The following ARID3A variants were observed in gnomAD, a reference collection of about 807,000 sequenced individuals.
ARID3A encodes AT-rich interactive domain-containing protein 3A.
Under a neutral mutation model 52.7 loss-of-function variants are expected in ARID3A, and 11 were observed. That is an observed-to-expected ratio of 0.21 (90% CI 0.13 to 0.35). The LOEUF (loss-of-function observed/expected upper bound fraction) is 0.35, where lower values mean the gene tolerates loss of function less well. Ranked by LOEUF, ARID3A falls within the 10% of genes least tolerant of loss-of-function variation. The probability of loss-of-function intolerance (pLI) is 1.00; values close to 1 mark genes in which losing one functional copy is unlikely to be tolerated. For synonymous variants in ARID3A, 404 were observed against 359.4 expected (o/e 1.12, Z -1.40); for missense variants, 721 against 838.5 (o/e 0.86, Z 1.73).
intron 3 of ARID3A, among the ~76,000 whole-genome samples, chr19:954,963 G>A (rs1241684606): frequency 6.6e-6 from 1 of 151,874 alleles, no homozygotes; most frequent in Non-Finnish European, 1.5e-5. Flanking sequence ...CTCAGCCCCT[G>A]GGGAGGGAGT....
At position 959,832 on chromosome 19, in the gene ARID3A, C is replaced by G. The variant is rs1437028000; in HGVS notation, c.694-260C>G. 2.0e-5 allele frequency among the ~76,000 whole-genome samples: 3 copies of G among 152,142 alleles called. No individual in the cohort carries two copies. The East Asian group carries it at 5.8e-4, about 29-fold the overall frequency. On this transcript the variant is annotated intron_variant, in intron 3 of 8. Coordinates refer to ENST00000263620, the MANE Select transcript of ARID3A (RefSeq NM_005224.3). This position sits in a 1 kb window ranked among gnomAD's most constrained non-coding sequence, Gnocchi z 5.0. The stretch of plus-strand genomic sequence containing the variant: ...CCCGGGCCCCTGGACCGGGAGAGGA[C>G]ACTGTCTTGTCCCAGGCCACCTGGT...
rs2037273387 is a variant in ARID3A at position 929,588 on chromosome 19, G to C, written c.60G>C (p.Glu20Asp). The change falls in exon 2 of 9, where the codon GAG becomes GAC. Residue 20 changes from glutamate to aspartate, a missense_variant. Physicochemically the swap from Glu to Asp is conservative, Grantham distance 45. Coordinates refer to ENST00000263620, the MANE Select transcript of ARID3A (RefSeq NM_005224.3). The surrounding 1 kb of genome is among the most constrained non-coding windows in gnomAD (Gnocchi z 6.2). ...AGCGGCAGCAGCGGGCGCGCCAGGAGCTGGAGGCCCGGCAGCAGCTGCCCC... is the reference window on the plus strand; with the variant it reads ...AGCGGCAGCAGCGGGCGCGCCAGGACCTGGAGGCCCGGCAGCAGCTGCCCC... ...LLQRQQRARQ[E>D]LEARQQLPPD... The C allele has an allele frequency of 6.6e-6, 10 of 1,524,452 alleles. No homozygotes were observed. The South Asian group carries it at 9.6e-5, about 15-fold the overall frequency. The allele number at this position is 1,524,452 out of a possible 1,614,324, so 94.4% of individuals were successfully genotyped here.
In ARID3A at chr19:973,104, A is replaced by ATTTTTTCTTTTTTTTTTTTTTTTT. The variant is rs2038314992; in HGVS notation, c.*1045_*1046insCTTTTTTTTTTTTTTTTTTTTTTT. ...GGGCTCTCGAGTCAGGGGCCTGGAAATTTTTTTTTTTTTTTTTTTTTGAGA... is the reference window on the plus strand; with the variant it reads ...GGGCTCTCGAGTCAGGGGCCTGGAAATTTTTTCTTTTTTTTTTTTTTTTTTTTTTTTTTTTTTTTTTTTTTGAGA... On this transcript the variant is annotated 3_prime_UTR_variant, in exon 9 of 9. Transcript: ENST00000263620. The ATTTTTTCTTTTTTTTTTTTTTTTT allele has an allele frequency of 1.9e-5, 1 of 53,488 alleles. No homozygotes were observed. The highest frequency in any genetic ancestry group is 3.4e-5 in the Non-Finnish European group (1 of 29,006). The allele number at this position is 53,488 out of a possible 1,614,324, so 3.3% of individuals were successfully genotyped here.
At position 965,030 on chromosome 19, in the gene ARID3A, C is replaced by G. The variant is rs1262697969; in HGVS notation, c.1148C>G (p.Ala383Gly). 1 of 1,612,958 alleles carries G rather than the reference C, an allele frequency of 6.2e-7. No individual in the cohort carries two copies. Among genetic ancestry groups the G allele is most frequent in the African/African-American group, 1.3e-5 (1 of 74,894 alleles). Reference sequence around the variant, plus strand: ...CTACCCGTGTCCTCCCTGGGCCTGGCCGCAAGCACCAATGGCAGCTCCATC... The same window carrying G: ...CTACCCGTGTCCTCCCTGGGCCTGGGCGCAAGCACCAATGGCAGCTCCATC... ...PKLPVSSLGLAASTNGSSITP... is the reference protein window; with the variant it reads ...PKLPVSSLGLGASTNGSSITP... Residue 383 changes from alanine (A) to glycine (G), a missense_variant, in exon 6 of 9, where the codon GCC becomes GGC. By Grantham distance (60) the Ala-to-Gly change is moderately conservative. Transcript: ENST00000263620.
intron 2 of ARID3A, 107 bp downstream of exon 2, chr19:930,003 C>T (rs1415136703): frequency 2.1e-6 from 3 of 1,444,996 alleles, no homozygotes; most frequent in Non-Finnish European, 2.8e-6. Flanking sequence ...GGATCTCCTT[C>T]CTGTAATTCC....
chr19:968,143 G>A (rs113897768), intron 7 of ARID3A, among the ~76,000 whole-genome samples: 2,262 of 151,400 alleles, frequency 0.015, 63 homozygotes, highest in African/African-American at 0.052. Context: ...GGTGGATCAC[G>A]AGGTCAAGAG....
chr19:947,783 A>T lies in ARID3A; in HGVS notation c.694-12309A>T, dbSNP rs1056238016. ...GGTGCGGCGCTGTGTATTTCCAGAGAGGGGACTCGGGGCCCATCAGGGCCG... is the reference window on the plus strand; with the variant it reads ...GGTGCGGCGCTGTGTATTTCCAGAGTGGGGACTCGGGGCCCATCAGGGCCG... On this transcript the variant is annotated intron_variant, in intron 3 of 8. Transcript: ENST00000263620. The surrounding 1 kb of genome is among the most constrained non-coding windows in gnomAD (Gnocchi z 6.3). Among the ~76,000 whole-genome samples the T allele has an allele frequency of 5.9e-5, 9 of 152,164 alleles. No homozygotes were observed. Among genetic ancestry groups the T allele is most frequent in the African/African-American group, 1.9e-4 (8 of 41,446 alleles).
chr19:952,759 TG>T (rs558635504), intron 3 of ARID3A, among the ~76,000 whole-genome samples: 3 of 152,024 alleles, frequency 2.0e-5, no homozygotes, highest in Non-Finnish European at 4.4e-5. Flanking sequence ...GGAGGGGGCC[TG>T]GGGGGCAAAG....
chr19:934,684 C>G (rs773661257), intron 3 of ARID3A, among the ~76,000 whole-genome samples: 1 of 151,960 alleles, frequency 6.6e-6, no homozygotes, highest in Non-Finnish European at 1.5e-5. Flanking sequence ...CTGGGTCTTG[C>G]GGGAGACGGG....
In ARID3A at chr19:960,805, G is replaced by T. The variant is rs542156275; in HGVS notation, c.766+641G>T. Among the ~76,000 whole-genome samples the T allele has an allele frequency of 3.3e-5, 5 of 152,286 alleles. No individual in the cohort carries two copies. Among genetic ancestry groups the T allele is most frequent in the Non-Finnish European group, 4.4e-5 (3 of 68,018 alleles). On this transcript the variant is annotated intron_variant, in intron 4 of 8. Coordinates refer to ENST00000263620, the MANE Select transcript of ARID3A (RefSeq NM_005224.3). This position sits in a 1 kb window ranked among gnomAD's most constrained non-coding sequence, Gnocchi z 4.3. ...TGTGCACACTTATTGGGCACCAACG[G>T]TATACCAGGCTCTGTGCCCCCAAAG...
At position 960,679 on chromosome 19, in the gene ARID3A, TCA is replaced by T. The variant is rs1389273237; in HGVS notation, c.766+516_766+517del. ...CCCCTCCCCTCTTCCCACCAGGGCC[TCA>T]GTTTCCCCATCTGTAAAAACGGGCC... is the stretch of plus-strand genomic sequence containing the variant. On this transcript the variant is annotated intron_variant, in intron 4 of 8. Transcript: ENST00000263620. The surrounding 1 kb of genome is among the most constrained non-coding windows in gnomAD (Gnocchi z 4.3). 6.6e-6 allele frequency among the ~76,000 whole-genome samples: 1 copy of T among 151,982 alleles called. No homozygotes were observed. Among genetic ancestry groups the T allele is most frequent in the Non-Finnish European group, 1.5e-5 (1 of 67,976 alleles).
chr19:951,787 A>G (rs1486243375), intron 3 of ARID3A, among the ~76,000 whole-genome samples: 2 of 152,170 alleles, frequency 1.3e-5, no homozygotes, highest in Non-Finnish European at 2.9e-5. Context: ...AGAGGAAAAC[A>G]TACTTCTTCA....
At chr19:970,358 G>A (rs2038250389) in intron 8 of ARID3A, among the ~76,000 whole-genome samples, 2 of 151,996 alleles carry the variant, frequency 1.3e-5, no homozygotes, top group South Asian at 4.2e-4. Context: ...TAAAAAAGTG[G>A]AGTCAGTGCC....
chr19:955,237 G>A (rs1409177048), intron 3 of ARID3A, among the ~76,000 whole-genome samples: 1 of 152,184 alleles, frequency 6.6e-6, no homozygotes, highest in Non-Finnish European at 1.5e-5. Flanking sequence ...CTGGGGCCTC[G>A]GCCAGCTGGC....
At chr19:932,373 G>T (rs763922172) in intron 2 of ARID3A, 45 bp from the exon 3 acceptor site, 3 of 1,570,248 alleles carry the variant, frequency 1.9e-6, no homozygotes, top group South Asian at 2.4e-5. Context: ...GGGCTGGGAC[G>T]AGCCAGCACC....
At position 964,853 on chromosome 19, in the gene ARID3A, C is replaced by A; in HGVS notation, c.971C>A (p.Pro324His). The A allele has an allele frequency of 2.5e-6, 4 of 1,613,958 alleles. No homozygotes were observed. The highest frequency in any genetic ancestry group is 2.5e-6 in the Non-Finnish European group (3 of 1,179,958). The stretch of plus-strand genomic sequence containing the variant: ...CACAGATACATGAAGTACCTGTACC[C>A]CTACGAGTGTGAGAAGCGGGGCCTC... Reference protein sequence around the residue: ...LRTQYMKYLYPYECEKRGLSN... With the variant: ...LRTQYMKYLYHYECEKRGLSN... Residue 324 changes from proline (P) to histidine (H), a missense_variant, in exon 6 of 9, where the codon CCC becomes CAC. By Grantham distance (77) the Pro-to-His change is moderately conservative. Around this residue, in one of 5 missense-constraint regions of ARID3A, gnomAD observed 43 missense variants for 143.7 expected, o/e 0.30. Transcript: ENST00000263620. This position sits in a 1 kb window ranked among gnomAD's most constrained non-coding sequence, Gnocchi z 5.7.
At chr19:967,708 CAG>C (rs1568374247) in intron 7 of ARID3A, among the ~76,000 whole-genome samples, 1 of 152,142 alleles carries the variant, frequency 6.6e-6, no homozygotes, top group African/African-American at 2.4e-5. Flanking sequence ...GTTGGCGAGA[CAG>C]ACAGAAAACA....
Position 942,264 on chromosome 19 carries a change from T to G in ARID3A, c.693+9522T>G, listed in dbSNP as rs990047179. Among the ~76,000 whole-genome samples, 1 of 152,130 alleles carries G rather than the reference T, an allele frequency of 6.6e-6. No individual in the cohort carries two copies. The highest frequency in any genetic ancestry group is 2.4e-5 in the African/African-American group (1 of 41,426). On this transcript the variant is annotated intron_variant, in intron 3 of 8. Transcript: ENST00000263620. The surrounding 1 kb of genome is among the most constrained non-coding windows in gnomAD (Gnocchi z 8.1). ...TGGACACAAAGGGCTGAAGTCCAGG[T>G]CCCTTCGATGGCCCAAATTACCTGA...
At chr19:934,173 C>T (rs1482119673) in intron 3 of ARID3A, among the ~76,000 whole-genome samples, 1 of 152,176 alleles carries the variant, frequency 6.6e-6, no homozygotes, top group African/African-American at 2.4e-5. Flanking sequence ...CGGAGACCTC[C>T]ATCCCCGCAG....
Sources: gnomAD v4.1 joint callset for allele counts (sites outside exome capture counted in the v4.1 genomes callset) on GRCh38, gnomAD v4.1.1 for gene constraint, gnomAD v4.1.1 regional missense constraint, Gnocchi (gnomAD v3.1) non-coding constraint, MANE v1.5 for transcripts, NCBI Gene and HGNC (gene_info 2026-07-23, HGNC 2026-07-21) for gene names.